The following PTCHD4 variants were observed in gnomAD, a reference collection of about 807,000 sequenced individuals.
The protein encoded by PTCHD4 is patched domain containing 4.
In PTCHD4, 33 loss-of-function variants were observed where a neutral mutation model predicts 58.1. The ratio of observed to expected loss-of-function variants is 0.57; its 90% confidence interval spans 0.43 to 0.76. The LOEUF is 0.76. Among genes scored for constraint, PTCHD4 ranks in the 30% least tolerant of loss-of-function variants. The probability of loss-of-function intolerance (pLI) is 0.00; values close to 1 mark genes in which losing one functional copy is unlikely to be tolerated. For synonymous variants in PTCHD4, 478 were observed against 409.6 expected, an observed-to-expected ratio of 1.17 and a Z score of -2.02; for missense variants, 1,058 against 1,027.1, an observed-to-expected ratio of 1.03 and a Z score of -0.41.
intron 4 of PTCHD4, among the ~76,000 whole-genome samples, chr6:47,946,935 C>A (rs1319741254): frequency 6.6e-6 from 1 of 152,090 alleles, no homozygotes; most frequent in East Asian, 1.9e-4. Context: ...CCTTGACCTC[C>A]TGGGTTCAAG....
chr6:48,110,537 T>G (rs889166578), intron 1 of PTCHD4, among the ~76,000 whole-genome samples: 8 of 151,662 alleles, frequency 5.3e-5, no homozygotes, highest in African/African-American at 1.9e-4. Flanking sequence ...ATAGGATGAA[T>G]AAGTCTAGAG....
chr6:47,974,764 C>T (rs1423023266), intron 4 of PTCHD4, among the ~76,000 whole-genome samples: 1 of 152,120 alleles, frequency 6.6e-6, no homozygotes, highest in Non-Finnish European at 1.5e-5. Context: ...TTAACATATG[C>T]TAATATTAAC....
At chr6:47,918,833 G>A (rs116773059) in intron 4 of PTCHD4, among the ~76,000 whole-genome samples, 2,235 of 152,176 alleles carry the variant, frequency 0.015, 24 homozygotes, top group African/African-American at 0.032. Context: ...TTACTGCTAG[G>A]TGTAATCACA....
At chr6:47,969,201 G>T (rs1474433074) in intron 4 of PTCHD4, among the ~76,000 whole-genome samples, 1 of 152,088 alleles carries the variant, frequency 6.6e-6, no homozygotes, top group Non-Finnish European at 1.5e-5. Flanking sequence ...TATTCATCCC[G>T]TAAACTTCAG....
At chr6:48,009,809 A>G (rs111414865) in intron 3 of PTCHD4, among the ~76,000 whole-genome samples, 4 of 152,232 alleles carry the variant, frequency 2.6e-5, no homozygotes, top group African/African-American at 9.6e-5. Flanking sequence ...TATTGATGAC[A>G]GTAGACAAAT....
At chr6:47,904,789 A>G (rs1252706307) in intron 4 of PTCHD4, among the ~76,000 whole-genome samples, 3 of 152,220 alleles carry the variant, frequency 2.0e-5, no homozygotes, top group African/African-American at 7.2e-5. Flanking sequence ...AATGTGCTAG[A>G]GAGATATCAA....
At chr6:48,010,076 A>T (rs1762611632) in intron 3 of PTCHD4, among the ~76,000 whole-genome samples, 3 of 152,228 alleles carry the variant, frequency 2.0e-5, no homozygotes, top group Admixed American at 2.0e-4. Context: ...TAATTTGGAA[A>T]GTTTATTATT....
intron 4 of PTCHD4, among the ~76,000 whole-genome samples, chr6:47,907,096 A>G (rs1764912662): frequency 6.6e-6 from 1 of 152,168 alleles, no homozygotes; most frequent in Non-Finnish European, 1.5e-5. Context: ...CAGGTTTTCA[A>G]ATCTTGGATG....
intron 1 of PTCHD4, among the ~76,000 whole-genome samples, chr6:48,070,702 A>G (rs1764961639): frequency 6.6e-6 from 1 of 152,160 alleles, no homozygotes; most frequent in South Asian, 2.1e-4. Flanking sequence ...CTTTTCTTGT[A>G]TTCAGTCAAA....
Position 47,931,631 on chromosome 6 carries a change from C to T in PTCHD4, c.899-51695G>A, listed in dbSNP as rs34473084. Among the ~76,000 whole-genome samples, 695 of 152,310 alleles carry T rather than the reference C, an allele frequency of 4.6e-3. 2 individuals are homozygous for T. The highest frequency in any genetic ancestry group is 0.02 in the Middle Eastern group (6 of 294). On this transcript the variant is annotated intron_variant, in intron 4 of 4. Coordinates refer to ENST00000339488, the MANE Select transcript of PTCHD4 (RefSeq NM_001384253.1). Reference sequence around the variant, plus strand: ...ATGCTATGTACTTTTAAAACATAATCTCCAAATGTGAATATGCTTAAAAAT... The same window carrying T: ...ATGCTATGTACTTTTAAAACATAATTTCCAAATGTGAATATGCTTAAAAAT...
At chr6:47,943,389 C>T (rs1766303881) in intron 4 of PTCHD4, among the ~76,000 whole-genome samples, 1 of 152,022 alleles carries the variant, frequency 6.6e-6, no homozygotes, top group South Asian at 2.1e-4. Flanking sequence ...ATTCAACAGA[C>T]ATTAGATGAA....
chr6:47,866,098 T>C lies in PTCHD4; in HGVS notation c.*12205A>G, dbSNP rs1331612656. Among the ~76,000 whole-genome samples, 3 of 151,924 alleles carry C rather than the reference T, an allele frequency of 2.0e-5. No homozygotes were observed. Among genetic ancestry groups the C allele is most frequent in the Non-Finnish European group, 4.4e-5 (3 of 67,892 alleles). On this transcript the variant is annotated 3_prime_UTR_variant, in exon 5 of 5. Transcript: ENST00000339488. Reference sequence around the variant, plus strand: ...TTGGCTCTACTAGAAATCATCTCTCTACCCTCTGGATATCTCCTTTTGGAC... The same window carrying C: ...TTGGCTCTACTAGAAATCATCTCTCCACCCTCTGGATATCTCCTTTTGGAC...
intron 4 of PTCHD4, among the ~76,000 whole-genome samples, chr6:47,929,862 G>C (rs1204353413): frequency 6.6e-6 from 1 of 152,200 alleles, no homozygotes; most frequent in Non-Finnish European, 1.5e-5. Context: ...CACCCTGGTG[G>C]GAGCATTCTA....
intron 3 of PTCHD4, among the ~76,000 whole-genome samples, chr6:48,017,369 T>C (rs1328138686): frequency 6.6e-6 from 1 of 152,156 alleles, no homozygotes; most frequent in Admixed American, 6.5e-5. Flanking sequence ...CCTAAATAAG[T>C]AATAAATTCA....
chr6:47,883,006 A>AATCTATTTT (rs1338143992), intron 4 of PTCHD4, among the ~76,000 whole-genome samples: 1 of 151,728 alleles, frequency 6.6e-6, no homozygotes, highest in Non-Finnish European at 1.5e-5. Context: ...TTGATTCTAG[A>AATCTATTTT]TGGGTCCAAA....
intron 4 of PTCHD4, among the ~76,000 whole-genome samples, chr6:48,006,533 G>C (rs542975423): frequency 3.9e-5 from 6 of 152,136 alleles, no homozygotes; most frequent in African/African-American, 1.2e-4. Context: ...CATGCTGTAT[G>C]GTTCTTATAA....
intron 3 of PTCHD4, among the ~76,000 whole-genome samples, chr6:48,044,870 A>G (rs974970760): frequency 1.3e-5 from 2 of 151,870 alleles, no homozygotes; most frequent in East Asian, 1.9e-4. Context: ...TTGAACTTCA[A>G]TGGAATAGCA....
At chr6:47,943,603 G>A (rs1379715552) in intron 4 of PTCHD4, among the ~76,000 whole-genome samples, 1 of 152,044 alleles carries the variant, frequency 6.6e-6, no homozygotes, top group African/African-American at 2.4e-5. Flanking sequence ...TCAGTGGTCA[G>A]CCAAATCCCC....
chr6:47,880,667 G>C (rs1016334685), intron 4 of PTCHD4, among the ~76,000 whole-genome samples: 1 of 152,106 alleles, frequency 6.6e-6, no homozygotes, highest in Non-Finnish European at 1.5e-5. Flanking sequence ...GCTTTTGACT[G>C]CTTCGTTAAA....
Sources: gnomAD v4.1 joint callset for allele counts (sites outside exome capture counted in the v4.1 genomes callset) on GRCh38, gnomAD v4.1.1 for gene constraint, MANE v1.5 for transcripts, NCBI Gene and HGNC (gene_info 2026-07-23, HGNC 2026-07-21) for gene names.